Variants in SMOC2 observed in about 807,000 individuals in gnomAD.
SMOC2 encodes the protein SPARC-related modular calcium-binding protein 2.
Under a neutral mutation model 61.4 loss-of-function variants are expected in SMOC2, and 39 were observed. The ratio of observed to expected loss-of-function variants is 0.64; its 90% CI spans 0.49 to 0.83. SMOC2 has a LOEUF of 0.83. Ranked by LOEUF, SMOC2 falls within the 40% of genes least tolerant of loss-of-function variation. SMOC2 has a pLI of 0.00. For missense variants in SMOC2, 556 were observed against 592.9 expected, an observed-to-expected ratio of 0.94 and a Z score of 0.65; for synonymous variants, 247 against 239.9, an observed-to-expected ratio of 1.03 and a Z score of -0.27.
At chr6:168,551,423 T>A (rs892140374) in intron 7 of SMOC2, among the ~76,000 whole-genome samples, 5 of 146,790 alleles carry the variant, frequency 3.4e-5, no homozygotes, top group African/African-American at 5.1e-5. Flanking sequence ...ATATACTTTA[T>A]TTTATTTATT....
At chr6:168,496,734 C>T (rs948131445) in intron 1 of SMOC2, among the ~76,000 whole-genome samples, 2 of 152,186 alleles carry the variant, frequency 1.3e-5, no homozygotes, top group African/African-American at 4.8e-5. Context: ...CTGCCCATCT[C>T]CAAGATTGCA....
chr6:168,595,167 G>A (rs1387627914), intron 7 of SMOC2, among the ~76,000 whole-genome samples: 3 of 137,656 alleles, frequency 2.2e-5, no homozygotes, highest in East Asian at 2.1e-4. Context: ...GAGGATCGCC[G>A]AGCTCCTCCT....
chr6:168,613,649 A>C (rs1185980761), intron 9 of SMOC2, among the ~76,000 whole-genome samples: 1 of 149,776 alleles, frequency 6.7e-6, no homozygotes, highest in East Asian at 2.0e-4. Context: ...ACCTACAGCC[A>C]GCACATGGAG....
intron 1 of SMOC2, among the ~76,000 whole-genome samples, chr6:168,490,077 A>G (rs1313465782): frequency 1.4e-5 from 2 of 146,922 alleles, no homozygotes; most frequent in East Asian, 2.1e-4. Context: ...CTGTTTTAGA[A>G]TGAAATATAT....
At chr6:168,599,107 GTC>G in intron 8 of SMOC2, 103 bp downstream of exon 8, 3 of 1,026,914 alleles carry the variant, frequency 2.9e-6, no homozygotes, top group Non-Finnish European at 2.8e-6. Flanking sequence ...CCGACACACA[GTC>G]ACACACACAC....
In SMOC2 at chr6:168,441,434, C is replaced by A. The variant is rs1180577986; in HGVS notation, c.64C>A (p.Gln22Lys). 6.6e-7 allele frequency: 1 copy of A among 1,509,316 alleles called. No individual in the cohort carries two copies. The highest frequency in any genetic ancestry group is 1.2e-5 in the South Asian group (1 of 80,508). 93.5% of individuals were successfully genotyped at this position (1,509,316 alleles called of 1,614,324 possible). Residue 22 changes from glutamine to lysine, a missense_variant, in exon 1 of 13, where the codon CAG (glutamine) becomes AAG (lysine). By Grantham distance (53) the Gln-to-Lys change is moderately conservative. Transcript: ENST00000356284. ...LAGLLPPVPA[Q>K]KFSALTFLRV... ...TGGGCTGCTCCCGCCGGTGCCCGCT[C>A]AGAAGTTCTCGGCGCTCACGGTAAG...
At chr6:168,529,093 A>C (rs1223182241) in intron 4 of SMOC2, among the ~76,000 whole-genome samples, 1 of 152,244 alleles carries the variant, frequency 6.6e-6, no homozygotes, top group African/African-American at 2.4e-5. Flanking sequence ...AATTGGCTGA[A>C]TTTTGTACGA....
chr6:168,608,123 C>A, intron 8 of SMOC2, 34 bp from the exon 9 acceptor site: 1 of 1,591,292 alleles, frequency 6.3e-7, no homozygotes, highest in Non-Finnish European at 8.6e-7. Context: ...CCGTTGTTTT[C>A]TCTCTCCTTC....
At position 168,452,550 on chromosome 6, in the gene SMOC2, CAT is replaced by C. The variant is rs1042346497; in HGVS notation, c.84+11097_84+11098del. 7.9e-5 allele frequency among the ~76,000 whole-genome samples: 12 copies of C among 152,172 alleles called. No individual in the cohort carries two copies. Among genetic ancestry groups the C allele is most frequent in the Non-Finnish European group, 1.5e-4 (10 of 68,022 alleles). On this transcript the variant is annotated intron_variant, in intron 1 of 12. Transcript: ENST00000356284. The surrounding 1 kb of genome is among the most constrained non-coding windows in gnomAD (Gnocchi z 5.0). ...GTTCTCCAGTAATAGGATTCTCAGA[CAT>C]GTGATTTTCATGAGGGATTTTAACC...
intron 1 of SMOC2, among the ~76,000 whole-genome samples, chr6:168,486,449 AATC>A (rs1376121257): frequency 6.6e-6 from 1 of 152,112 alleles, no homozygotes; most frequent in African/African-American, 2.4e-5. Flanking sequence ...AAAGAAATAA[AATC>A]ATGAAAGGAC....
At chr6:168,612,515 G>A (rs889876063) in intron 9 of SMOC2, among the ~76,000 whole-genome samples, 4 of 149,090 alleles carry the variant, frequency 2.7e-5, no homozygotes, top group Admixed American at 2.0e-4. Flanking sequence ...GATCTCCATC[G>A]GGGAGAGGGT....
In SMOC2 at chr6:168,576,859, C is replaced by T. The variant is rs185531677; in HGVS notation, c.638-21959C>T. Among the ~76,000 whole-genome samples, 159 of 150,252 alleles carry T rather than the reference C, an allele frequency of 1.1e-3. 2 individuals carry two copies. Among genetic ancestry groups the T allele is most frequent in the African/African-American group, 3.9e-3 (157 of 40,568 alleles). ...CTAGTTTACATGCTTAAATTGAGCA[C>T]TTTGCTCCTCAGTCACAGACATCTA... On this transcript the variant is annotated intron_variant, in intron 7 of 12. Coordinates refer to ENST00000356284, the MANE Select transcript of SMOC2 (RefSeq NM_001166412.2).
At chr6:168,538,881 G>A (rs902062147) in intron 4 of SMOC2, among the ~76,000 whole-genome samples, 4 of 152,062 alleles carry the variant, frequency 2.6e-5, no homozygotes, top group East Asian at 1.9e-4. Flanking sequence ...AGATAAAAAG[G>A]CCCTTTAGAG....
chr6:168,565,131 G>C (rs1313744756), intron 7 of SMOC2, among the ~76,000 whole-genome samples: 1 of 152,204 alleles, frequency 6.6e-6, no homozygotes, highest in Non-Finnish European at 1.5e-5. Context: ...TGACAACTCT[G>C]CCTGTAAATA....
chr6:168,568,888 C>G (rs1403501681), intron 7 of SMOC2, among the ~76,000 whole-genome samples: 1 of 152,214 alleles, frequency 6.6e-6, no homozygotes, highest in Non-Finnish European at 1.5e-5. Flanking sequence ...CTTGATCACT[C>G]ATATCTTCTT....
In SMOC2 at chr6:168,665,847, G is replaced by A. The variant is rs116314613; in HGVS notation, c.1324-574G>A. ...TTTGAAATAATAAAACAGAAGAAGG[G>A]ATCAACATTTGTCGGAATTGGCACT... On this transcript the variant is annotated intron_variant, in intron 12 of 12. Coordinates refer to ENST00000356284, the MANE Select transcript of SMOC2 (RefSeq NM_001166412.2). 8.3e-3 allele frequency among the ~76,000 whole-genome samples: 1,255 copies of A among 150,994 alleles called. 17 individuals are homozygous for A. The highest frequency in any genetic ancestry group is 0.029 in the African/African-American group (1,189 of 41,268).
intron 1 of SMOC2, among the ~76,000 whole-genome samples, chr6:168,457,640 G>A (rs371300114): frequency 6.6e-6 from 1 of 152,068 alleles, no homozygotes; most frequent in African/African-American, 2.4e-5. Context: ...GCCTGGCCTC[G>A]CACTCGCTGC....
chr6:168,520,473 A>G (rs1270856722), intron 2 of SMOC2, among the ~76,000 whole-genome samples: 2 of 152,336 alleles, frequency 1.3e-5, no homozygotes, highest in Non-Finnish European at 2.9e-5. Context: ...GCACTGGCTC[A>G]TGGGGAGATG....
At chr6:168,501,269 CAG>C (rs1191508320) in intron 1 of SMOC2, among the ~76,000 whole-genome samples, 1 of 152,232 alleles carries the variant, frequency 6.6e-6, no homozygotes, top group South Asian at 2.1e-4. Context: ...AAATTACTAA[CAG>C]GGAGGAAAAA....
Sources: allele counts gnomAD v4.1 joint callset (sites outside exome capture counted in the v4.1 genomes callset), GRCh38; gene constraint gnomAD v4.1.1; non-coding constraint Gnocchi (gnomAD v3.1); transcripts MANE v1.5; gene names NCBI Gene and HGNC (gene_info 2026-07-23, HGNC 2026-07-21).